The following DLGAP2 variants were observed in gnomAD, a reference collection of about 807,000 sequenced individuals.
DLGAP2 encodes DLG associated protein 2, also known as disks large-associated protein 2.
A neutral mutation model predicts 100.3 loss-of-function variants in DLGAP2; 26 were observed. The observed-to-expected ratio is 0.26, with a 90% CI of 0.19 to 0.36. The LOEUF is 0.36. Among genes scored for constraint, DLGAP2 ranks in the 10% least tolerant of loss-of-function variants. DLGAP2 has a pLI of 1.00. For missense variants in DLGAP2, 1,858 were observed against 1,453.2 expected (o/e 1.28, Z -4.53); for synonymous variants, 886 against 630.1 (o/e 1.41, Z -6.08).
chr8:880,343 C>G (rs1040055852), intron 1 of DLGAP2, among the ~76,000 whole-genome samples: 1 of 152,228 alleles, frequency 6.6e-6, no homozygotes, highest in African/African-American at 2.4e-5. Context: ...GTGCTTCTGT[C>G]TCACATGAGA....
At chr8:1,549,754 A>G in intron 5 of DLGAP2, 71 bp downstream of exon 5, 1 of 1,408,638 alleles carries the variant, frequency 7.1e-7, no homozygotes, top group Middle Eastern at 2.3e-4. Flanking sequence ...TCCTTTTTTA[A>G]TTGACAGATA....
chr8:1,493,136 G>A (rs1316806157), intron 3 of DLGAP2, among the ~76,000 whole-genome samples: 1 of 152,208 alleles, frequency 6.6e-6, no homozygotes, highest in Non-Finnish European at 1.5e-5. Context: ...AGAACCAGGC[G>A]GATCCGTGTA....
intron 2 of DLGAP2, among the ~76,000 whole-genome samples, chr8:935,012 C>T (rs1340562618): frequency 1.3e-5 from 2 of 152,188 alleles, no homozygotes; most frequent in Admixed American, 6.5e-5. Context: ...GTGTATTACT[C>T]GGCTTCCGTT....
At chr8:1,524,954 C>T (rs865919159) in intron 4 of DLGAP2, among the ~76,000 whole-genome samples, 1 of 152,166 alleles carries the variant, frequency 6.6e-6, no homozygotes, top group South Asian at 2.1e-4. Context: ...TTCTTCTTGA[C>T]TTCTTGGTGG....
intron 2 of DLGAP2, among the ~76,000 whole-genome samples, chr8:1,114,004 G>A (rs925941226): frequency 6.6e-6 from 1 of 152,146 alleles, no homozygotes; most frequent in African/African-American, 2.4e-5. Context: ...CACATTGATT[G>A]ATTTGTGTAT....
chr8:1,452,757 A>G (rs1798197548), intron 3 of DLGAP2, among the ~76,000 whole-genome samples: 1 of 152,074 alleles, frequency 6.6e-6, no homozygotes, highest in Non-Finnish European at 1.5e-5. Flanking sequence ...GTGGTTCTCC[A>G]GGTGTTTCCC....
At chr8:1,493,510 G>A (rs1051607305) in intron 3 of DLGAP2, among the ~76,000 whole-genome samples, 3 of 152,208 alleles carry the variant, frequency 2.0e-5, no homozygotes, top group Non-Finnish European at 2.9e-5. Flanking sequence ...TTAGAGGGAC[G>A]GACCCCAGGG....
At chr8:1,638,784 C>G (rs578176713) in intron 8 of DLGAP2, among the ~76,000 whole-genome samples, 2 of 152,248 alleles carry the variant, frequency 1.3e-5, no homozygotes, top group Non-Finnish European at 2.9e-5. Context: ...GCTGGGTCTC[C>G]CGGGGAGTCC....
chr8:874,939 T>A (rs1304649151), intron 1 of DLGAP2, among the ~76,000 whole-genome samples: 1 of 152,230 alleles, frequency 6.6e-6, no homozygotes, highest in African/African-American at 2.4e-5. Context: ...CATACACACA[T>A]GTACATATAT....
intron 3 of DLGAP2, among the ~76,000 whole-genome samples, chr8:1,496,918 G>C (rs572579049): frequency 6.6e-6 from 1 of 152,156 alleles, no homozygotes; most frequent in Non-Finnish European, 1.5e-5. Flanking sequence ...GCTCCCCCAA[G>C]ATGGTTTACG....
chr8:1,409,919 G>A (rs536691255), intron 3 of DLGAP2, among the ~76,000 whole-genome samples: 1 of 152,274 alleles, frequency 6.6e-6, no homozygotes, highest in East Asian at 1.9e-4. Context: ...CAGCTGTGGG[G>A]CTTCTCAGCC....
intron 2 of DLGAP2, among the ~76,000 whole-genome samples, chr8:927,476 C>T (rs946778584): frequency 2.6e-5 from 4 of 152,308 alleles, no homozygotes; most frequent in South Asian, 2.1e-4. Context: ...GTGCTTTGAG[C>T]AGGTGGCTGA....
chr8:742,913 C>G (rs7835837), intron 1 of DLGAP2, among the ~76,000 whole-genome samples: 31,662 of 152,004 alleles, frequency 0.21, 3,613 homozygotes, highest in African/African-American at 0.27. Flanking sequence ...TAAATGAATT[C>G]ATGACTGTAA....
At chr8:1,260,193 C>G (rs1039268773) in intron 3 of DLGAP2, among the ~76,000 whole-genome samples, 1 of 151,962 alleles carries the variant, frequency 6.6e-6, no homozygotes, top group Non-Finnish European at 1.5e-5. Flanking sequence ...ATTCTGCAGC[C>G]TGTCTGTTGG....
intron 3 of DLGAP2, among the ~76,000 whole-genome samples, chr8:1,334,492 ATCT>A (rs1801227289): frequency 6.6e-6 from 1 of 152,146 alleles, no homozygotes. Context: ...GTTCCACTAA[ATCT>A]TCTGTAAAAG....
chr8:1,223,172 C>G (rs1407829444), intron 2 of DLGAP2, among the ~76,000 whole-genome samples: 1 of 152,184 alleles, frequency 6.6e-6, no homozygotes, highest in African/African-American at 2.4e-5. Context: ...CTAGGAGTCA[C>G]TCAAGGCCAA....
intron 1 of DLGAP2, among the ~76,000 whole-genome samples, chr8:891,876 C>A (rs1798042614): frequency 6.6e-6 from 1 of 152,174 alleles, no homozygotes; most frequent in South Asian, 2.1e-4. Context: ...AGAGCTTCCA[C>A]TGCTGCAGGG....
chr8:1,520,446 C>T (rs1210270184), intron 4 of DLGAP2, among the ~76,000 whole-genome samples: 4 of 152,218 alleles, frequency 2.6e-5, no homozygotes, highest in Non-Finnish European at 5.9e-5. Context: ...CTAAAGCCAT[C>T]CTTCATCCTT....
intron 2 of DLGAP2, among the ~76,000 whole-genome samples, chr8:1,018,563 C>T (rs370026649): frequency 7.0e-4 from 107 of 152,310 alleles, no homozygotes; most frequent in African/African-American, 2.5e-3. Flanking sequence ...CCTGGCTCTG[C>T]CTGTGCTGGG....
Sources: allele counts gnomAD v4.1 joint callset (sites outside exome capture counted in the v4.1 genomes callset), GRCh38; gene constraint gnomAD v4.1.1; transcripts MANE v1.5; gene names NCBI Gene and HGNC (gene_info 2026-07-23, HGNC 2026-07-21).